Variants in MSS51 observed in about 807,000 individuals in gnomAD.
The protein encoded by MSS51 is MSS51 mitochondrial translational activator.
Under a neutral mutation model 40.2 loss-of-function variants are expected in MSS51, and 32 were observed. The ratio of observed to expected loss-of-function variants is 0.80; its 90% CI spans 0.60 to 1.07. MSS51 has a LOEUF of 1.07. Ranked by LOEUF, MSS51 falls within the 50% of genes least tolerant of loss-of-function variation. The pLI is 0.00. For synonymous variants in MSS51, 178 were observed against 214.2 expected, an observed-to-expected ratio of 0.83 and a Z score of 1.48; for missense variants, 518 against 568.9, an observed-to-expected ratio of 0.91 and a Z score of 0.91.
chr10:73,424,645 C>T lies in MSS51; in HGVS notation c.1291G>A (p.Val431Ile). ...ATGATATAGTATGCACTGCAGTATA[C>T]TGGCTGCTTGTTGGGACTGGAATAG... ...QVYSSPNKQPVYCSAYYIMFL... is the reference protein window; with the variant it reads ...QVYSSPNKQPIYCSAYYIMFL... The change falls in exon 7 of 7, where the codon GTA becomes ATA. Residue 431 changes from valine to isoleucine, a missense_variant. Coordinates refer to ENST00000299432, the MANE Select transcript of MSS51 (RefSeq NM_001024593.2). 3 of 1,614,090 alleles carry T rather than the reference C, an allele frequency of 1.9e-6. No individual in the cohort carries two copies. The highest frequency in any genetic ancestry group is 2.5e-6 in the Non-Finnish European group (3 of 1,179,994).
intron 4 of MSS51, 75 bp from the exon 5 acceptor site, chr10:73,426,452 A>G: frequency 6.4e-7 from 1 of 1,574,254 alleles, no homozygotes; most frequent in Non-Finnish European, 8.6e-7. Flanking sequence ...AATGATCAAT[A>G]TTCCCTCCAT....
intron 5 of MSS51, among the ~76,000 whole-genome samples, chr10:73,425,486 AAC>A (rs2055975966): frequency 6.6e-6 from 1 of 151,716 alleles, no homozygotes; most frequent in Non-Finnish European, 1.5e-5. Context: ...CATCGTGGCT[AAC>A]ACAGTGAAAC....
chr10:73,430,015 A>C (rs1316277812), intron 1 of MSS51, among the ~76,000 whole-genome samples: 1 of 152,202 alleles, frequency 6.6e-6, no homozygotes, highest in Non-Finnish European at 1.5e-5. Context: ...GAATACTTGG[A>C]AATAGGGAAA....
intron 1 of MSS51, among the ~76,000 whole-genome samples, chr10:73,429,368 C>G (rs528731289): frequency 6.6e-6 from 1 of 152,110 alleles, no homozygotes; most frequent in South Asian, 2.1e-4. Flanking sequence ...TTTTAAAACT[C>G]AATTTAAAAG....
rs1365264588 is a variant in MSS51 at position 73,424,023 on chromosome 10, T to TC, written c.*529dup. 1 of 156,058 alleles carries TC rather than the reference T, an allele frequency of 6.4e-6. No individual in the cohort carries two copies. Among genetic ancestry groups the TC allele is most frequent in the East Asian group, 1.9e-4 (1 of 5,348 alleles). The allele number at this position is 156,058 out of a possible 1,614,324, so 9.7% of individuals were successfully genotyped here. A position where few individuals can be genotyped will look rare whatever the true frequency, so the allele number is the denominator to read the frequency against. ...CTCTGGAAAGACCAGCATCAGGGCC[T>TC]CTTCCCACCCACTAAATCTAATTTC... On this transcript the variant is annotated 3_prime_UTR_variant, in exon 7 of 7. Coordinates refer to ENST00000299432, the MANE Select transcript of MSS51 (RefSeq NM_001024593.2).
At chr10:73,430,419 C>CA (rs950880626) in intron 1 of MSS51, among the ~76,000 whole-genome samples, 2 of 151,792 alleles carry the variant, frequency 1.3e-5, no homozygotes, top group African/African-American at 2.4e-5. Context: ...CAATAACAAA[C>CA]AAAAAAACCA....
Position 73,425,901 on chromosome 10 carries a change from C to A in MSS51, c.979G>T (p.Ala327Ser). The change falls in exon 5 of 7, where the codon GCC (alanine) becomes TCC (serine). Residue 327 changes from alanine to serine, a missense_variant. Transcript: ENST00000299432. ...AAGTCATGGTAGAGGCCCCTGTGGGCACTAAGCTGAATTGTGCCAGGTTCC... is the reference window on the plus strand; with the variant it reads ...AAGTCATGGTAGAGGCCCCTGTGGGAACTAAGCTGAATTGTGCCAGGTTCC... The part of the protein sequence containing the change: ...PLEPGTIQLS[A>S]HRGLYHDFWE... 1 of 1,614,130 alleles carries A rather than the reference C, an allele frequency of 6.2e-7. No individual in the cohort carries two copies. Among genetic ancestry groups the A allele is most frequent in the Non-Finnish European group, 8.5e-7 (1 of 1,180,016 alleles).
chr10:73,427,476 C>A, intron 3 of MSS51, 137 bp downstream of exon 3: 1 of 807,576 alleles, frequency 1.2e-6, no homozygotes, highest in South Asian at 1.9e-5. Flanking sequence ...CAGGGTTTTG[C>A]TGTGTTGGCC....
intron 3 of MSS51, 124 bp downstream of exon 3, chr10:73,427,489 G>T: frequency 1.0e-6 from 1 of 967,492 alleles, no homozygotes; most frequent in Non-Finnish European, 1.5e-6. Context: ...TGTTGGCCAG[G>T]TTGGCCTCAT....
intron 5 of MSS51, 120 bp downstream of exon 5, chr10:73,425,691 A>T (rs957490190): frequency 1.1e-6 from 1 of 886,352 alleles, no homozygotes; most frequent in Non-Finnish European, 1.7e-6. Context: ...AAAAAAAAGA[A>T]AAGTTGTCAT....
chr10:73,426,179 C>T lies in MSS51; in HGVS notation c.701G>A (p.Arg234Gln), dbSNP rs149548830. 3.8e-5 allele frequency: 61 copies of T among 1,614,224 alleles called. No individual in the cohort carries two copies. The highest frequency in any genetic ancestry group is 1.7e-4 in the African/African-American group (13 of 75,052). The change falls in exon 5 of 7, where the codon CGG (arginine) becomes CAG (glutamine). Residue 234 changes from arginine (R) to glutamine (Q), a missense_variant. Coordinates refer to ENST00000299432, the MANE Select transcript of MSS51 (RefSeq NM_001024593.2). ...DPDVLQGSLK[R>Q]LLTDVLSRPL... ...CCGTGACAGGACATCTGTCAGCAGC[C>T]GCTTCAAAGATCCCTGCAGGACATC...
At chr10:73,429,348 C>A (rs973791339) in intron 1 of MSS51, among the ~76,000 whole-genome samples, 3 of 152,040 alleles carry the variant, frequency 2.0e-5, no homozygotes, top group African/African-American at 7.3e-5. Context: ...ATTAATATAG[C>A]TTTAATGTAT....
intron 5 of MSS51, 117 bp downstream of exon 5, chr10:73,425,694 G>A (rs535761869): frequency 4.3e-5 from 31 of 721,774 alleles, no homozygotes; most frequent in Non-Finnish European, 5.6e-5. Flanking sequence ...AAAAAGAAAA[G>A]TTGTCATCAT....
chr10:73,432,786 C>G lies in MSS51; in HGVS notation c.-18+727G>C, dbSNP rs910810714. On this transcript the variant is annotated intron_variant, in intron 1 of 6. Transcript: ENST00000299432. The stretch of plus-strand genomic sequence containing the variant: ...TTTGATCTGCATCTATATACATCAT[C>G]AGGTTCATGTTTGAGTTTATATACC... Among the ~76,000 whole-genome samples, 18 of 152,284 alleles carry G rather than the reference C, an allele frequency of 1.2e-4. 1 individual carries two copies. In the South Asian group the frequency reaches 2.9e-3, roughly 25 times the overall value.
chr10:73,427,987 T>A, intron 2 of MSS51, 77 bp downstream of exon 2: 1 of 1,394,890 alleles, frequency 7.2e-7, no homozygotes, highest in Non-Finnish European at 1.0e-6. Context: ...TTCACCAAAC[T>A]GTACTCCCTC....
chr10:73,427,007 G>A (rs2055994397), intron 3 of MSS51, among the ~76,000 whole-genome samples: 1 of 152,158 alleles, frequency 6.6e-6, no homozygotes, highest in South Asian at 2.1e-4. Flanking sequence ...CGAGTTTGCA[G>A]CTGTCCTCTC....
At position 73,428,211 on chromosome 10, in the gene MSS51, G is replaced by T; in HGVS notation, c.74C>A (p.Thr25Asn). 1 of 1,614,140 alleles carries T rather than the reference G, an allele frequency of 6.2e-7. No individual in the cohort carries two copies. The highest frequency in any genetic ancestry group is 2.2e-5 in the East Asian group (1 of 44,854). Reference protein sequence around the residue: ...SSVAPIIMAPTTIVTPVPLTP... With the variant: ...SSVAPIIMAPNTIVTPVPLTP... Reference sequence around the variant, plus strand: ...CAGAGGCACAGGGGTCACAATTGTGGTTGGGGCCATGATGATGGGAGCCAC... The same window carrying T: ...CAGAGGCACAGGGGTCACAATTGTGTTTGGGGCCATGATGATGGGAGCCAC... Residue 25 changes from threonine (T) to asparagine (N), a missense_variant, in exon 2 of 7, where the codon ACC becomes AAC. Transcript: ENST00000299432.
chr10:73,431,857 C>T (rs2056031357), intron 1 of MSS51, among the ~76,000 whole-genome samples: 1 of 152,078 alleles, frequency 6.6e-6, no homozygotes, highest in African/African-American at 2.4e-5. Context: ...GGGTCATGTC[C>T]TTTTACCAAA....
At chr10:73,429,810 A>G (rs1013129192) in intron 1 of MSS51, 2 of 399,438 alleles carry the variant, frequency 5.0e-6, no homozygotes, top group African/African-American at 4.2e-5. Flanking sequence ...TATGAGAAAT[A>G]TATATCTAAA....
Sources: allele counts gnomAD v4.1 joint callset (sites outside exome capture counted in the v4.1 genomes callset), GRCh38; gene constraint gnomAD v4.1.1; transcripts MANE v1.5; gene names NCBI Gene and HGNC (gene_info 2026-07-23, HGNC 2026-07-21).